ASIC2: variants seen among roughly 807,000 people sequenced by gnomAD.
ASIC2 encodes the protein acid sensing ion channel subunit 2.
ASIC2 carries 25 observed loss-of-function variants against 57.3 expected under a neutral mutation model. That is an observed-to-expected ratio of 0.44 (90% CI 0.32 to 0.61). ASIC2 has a LOEUF of 0.61. Ranked by LOEUF, ASIC2 falls within the 20% of genes least tolerant of loss-of-function variation. The pLI is 0.06. For synonymous variants in ASIC2, 319 were observed against 307.5 expected (o/e 1.04, Z -0.39); for missense variants, 641 against 738.1 (o/e 0.87, Z 1.52).
chr17:33,929,897 A>AACACAGTC (rs1289127171), intron 1 of ASIC2, among the ~76,000 whole-genome samples: 1 of 152,246 alleles, frequency 6.6e-6, no homozygotes, highest in Non-Finnish European at 1.5e-5. Flanking sequence ...GTTGCTTGTG[A>AACACAGTC]ACACAGTCAC....
chr17:33,091,274 G>A (rs760307283), intron 2 of ASIC2, among the ~76,000 whole-genome samples: 5 of 152,198 alleles, frequency 3.3e-5, no homozygotes, highest in Non-Finnish European at 5.9e-5. Context: ...CAAGACGGGG[G>A]TTGAGGAGAG....
intron 1 of ASIC2, among the ~76,000 whole-genome samples, chr17:33,397,945 A>G (rs997283362): frequency 6.6e-6 from 1 of 152,252 alleles, no homozygotes; most frequent in Non-Finnish European, 1.5e-5. Context: ...ATATTTGCCA[A>G]ATAATGACCT....
At chr17:34,083,102 A>T (rs1268901912) in intron 1 of ASIC2, among the ~76,000 whole-genome samples, 3 of 151,404 alleles carry the variant, frequency 2.0e-5, no homozygotes, top group East Asian at 2.0e-4. Flanking sequence ...TACATGTGCC[A>T]TGCTGCTGCA....
intron 1 of ASIC2, among the ~76,000 whole-genome samples, chr17:33,590,490 A>G (rs961533573): frequency 6.6e-6 from 1 of 152,062 alleles, no homozygotes; most frequent in Non-Finnish European, 1.5e-5. Flanking sequence ...TAGGCTCATG[A>G]AATGAAGCTC....
At chr17:33,076,542 T>C (rs138785757) in intron 3 of ASIC2, among the ~76,000 whole-genome samples, 1 of 152,360 alleles carries the variant, frequency 6.6e-6, no homozygotes, top group Non-Finnish European at 1.5e-5. Context: ...CTCAATTGTG[T>C]TCTCTTCCTC....
At chr17:33,659,023 T>C (rs539241849) in intron 1 of ASIC2, among the ~76,000 whole-genome samples, 1 of 152,060 alleles carries the variant, frequency 6.6e-6, no homozygotes, top group Non-Finnish European at 1.5e-5. Context: ...AATAAAATAA[T>C]TTTTTAAAAA....
intron 1 of ASIC2, among the ~76,000 whole-genome samples, chr17:33,440,945 A>T (rs1189891115): frequency 6.6e-6 from 1 of 151,880 alleles, no homozygotes; most frequent in Non-Finnish European, 1.5e-5. Context: ...TCTGTGGCTT[A>T]TGTTTTCCTT....
intron 1 of ASIC2, among the ~76,000 whole-genome samples, chr17:34,109,312 T>C (rs1474984571): frequency 6.6e-6 from 1 of 152,174 alleles, no homozygotes; most frequent in African/African-American, 2.4e-5. Context: ...ATGGCAGGAA[T>C]ATACCAAAAT....
At chr17:33,869,723 C>A (rs1241190134) in intron 1 of ASIC2, among the ~76,000 whole-genome samples, 1 of 152,154 alleles carries the variant, frequency 6.6e-6, no homozygotes, top group Admixed American at 6.6e-5. Flanking sequence ...TTAATGGTTG[C>A]CTATGGCTAA....
intron 1 of ASIC2, among the ~76,000 whole-genome samples, chr17:34,117,038 A>G (rs1214386766): frequency 6.6e-6 from 1 of 151,672 alleles, no homozygotes; most frequent in Non-Finnish European, 1.5e-5. Flanking sequence ...ACCTGGAAAT[A>G]TGTATCGTGG....
At chr17:33,582,415 C>CGA (rs1904473881) in intron 1 of ASIC2, among the ~76,000 whole-genome samples, 1 of 152,110 alleles carries the variant, frequency 6.6e-6, no homozygotes, top group Non-Finnish European at 1.5e-5. Flanking sequence ...TGTGTTCAAC[C>CGA]GAGAGGCAAG....
chr17:33,219,600 G>A (rs61277198), intron 1 of ASIC2, among the ~76,000 whole-genome samples: 5,539 of 152,170 alleles, frequency 0.036, 336 homozygotes, highest in African/African-American at 0.13. Context: ...TTTAAAGCCC[G>A]TAGTCTTAAG....
chr17:33,038,485 G>A (rs114793812), intron 3 of ASIC2, among the ~76,000 whole-genome samples: 1,560 of 152,286 alleles, frequency 0.01, 29 homozygotes, highest in African/African-American at 0.036. Context: ...GGAGTCATTA[G>A]TGTATAATGA....
At chr17:33,513,643 G>A (rs531484540) in intron 1 of ASIC2, among the ~76,000 whole-genome samples, 6 of 152,318 alleles carry the variant, frequency 3.9e-5, no homozygotes, top group African/African-American at 1.4e-4. Flanking sequence ...CTGATTTGGG[G>A]CAGTAAGAGG....
intron 1 of ASIC2, among the ~76,000 whole-genome samples, chr17:33,682,078 G>A (rs1323114061): frequency 2.3e-5 from 1 of 42,568 alleles, no homozygotes; most frequent in East Asian, 6.7e-4. Flanking sequence ...TTTTTTTTTT[G>A]AGACAGAGTC....
chr17:33,342,921 G>A (rs953887083), intron 1 of ASIC2, among the ~76,000 whole-genome samples: 2 of 152,134 alleles, frequency 1.3e-5, no homozygotes, highest in African/African-American at 2.4e-5. Flanking sequence ...GGACTCGGTT[G>A]GATGGGCCTC....
chr17:34,042,533 G>A (rs1350399594), intron 1 of ASIC2, among the ~76,000 whole-genome samples: 3 of 152,070 alleles, frequency 2.0e-5, no homozygotes, highest in South Asian at 2.1e-4. Context: ...TCCAATCAGT[G>A]GAAGGCTGGA....
chr17:33,758,845 A>C (rs1198278980), intron 1 of ASIC2, among the ~76,000 whole-genome samples: 1 of 152,044 alleles, frequency 6.6e-6, no homozygotes, highest in East Asian at 1.9e-4. Context: ...AATGTAAAAC[A>C]TAAATTCCTT....
intron 1 of ASIC2, among the ~76,000 whole-genome samples, chr17:33,728,255 T>A (rs76274461): frequency 0.037 from 5,623 of 152,006 alleles, 127 homozygotes; most frequent in Middle Eastern, 0.12. Flanking sequence ...CCAAAGCCAA[T>A]GGTGGGTTTG....
Sources: gnomAD v4.1 joint callset for allele counts (sites outside exome capture counted in the v4.1 genomes callset) on GRCh38, gnomAD v4.1.1 for gene constraint, MANE v1.5 for transcripts, NCBI Gene and HGNC (gene_info 2026-07-23, HGNC 2026-07-21) for gene names.